Variants in CSNK1A1 observed in about 807,000 individuals in gnomAD.
The protein encoded by CSNK1A1 is casein kinase I isoform alpha.
A neutral mutation model predicts 46.1 loss-of-function variants in CSNK1A1; 7 were observed. That is an observed-to-expected ratio of 0.15 (90% CI 0.09 to 0.29). The LOEUF is 0.29. CSNK1A1 is among the 10% of genes least tolerant of loss of function. The pLI is 1.00. For synonymous variants in CSNK1A1, 137 were observed against 141.5 expected (o/e 0.97, Z 0.23); for missense variants, 96 against 417.1 (o/e 0.23, Z 6.71).
rs745738412 is a variant in CSNK1A1, at chr5:149,493,926, AG to A, written c.*2926del. On this transcript the variant is annotated 3_prime_UTR_variant, in exon 10 of 10. Coordinates refer to ENST00000377843, the MANE Select transcript of CSNK1A1 (RefSeq NM_001892.6). ...GTTTGAGTCAGAACCAGACTGTTCCAGACTAGTTGGAAAACGACCCAGGAAC... is the reference window on the plus strand; with the variant it reads ...GTTTGAGTCAGAACCAGACTGTTCCAACTAGTTGGAAAACGACCCAGGAAC... 3 of 152,208 alleles carry A rather than the reference AG, an allele frequency of 2.0e-5. No individual in the cohort carries two copies. The highest frequency in any genetic ancestry group is 2.9e-5 in the Non-Finnish European group (2 of 68,034). 9.4% of individuals were successfully genotyped at this position (152,208 alleles called of 1,614,324 possible).
At chr5:149,502,452 C>A in intron 9 of CSNK1A1, 1 of 369,024 alleles carries the variant, frequency 2.7e-6, no homozygotes. Context: ...AGGTGATACT[C>A]CCACCTCAGC....
intron 9 of CSNK1A1, among the ~76,000 whole-genome samples, chr5:149,500,667 G>T (rs903544812): frequency 6.6e-6 from 1 of 151,920 alleles, no homozygotes; most frequent in Admixed American, 6.6e-5. Flanking sequence ...GAGATCAAGT[G>T]ATCTTCCCAT....
chr5:149,538,154 C>T (rs575961156), intron 2 of CSNK1A1, among the ~76,000 whole-genome samples: 1 of 151,470 alleles, frequency 6.6e-6, no homozygotes, highest in South Asian at 2.1e-4. Flanking sequence ...TCCCTAGTAG[C>T]TGGGATTACA....
chr5:149,522,456 T>G (rs1761602388), intron 3 of CSNK1A1, among the ~76,000 whole-genome samples: 1 of 152,232 alleles, frequency 6.6e-6, no homozygotes, highest in Non-Finnish European at 1.5e-5. Flanking sequence ...TATTTTTAAA[T>G]AGATTACATA....
At chr5:149,544,737 T>TTATATATATACATATATATATATA (rs1762410619) in intron 2 of CSNK1A1, among the ~76,000 whole-genome samples, 1 of 80,806 alleles carries the variant, frequency 1.2e-5, no homozygotes, top group Non-Finnish European at 2.2e-5. Flanking sequence ...GTAAAGAGCT[T>TTATATATATACATATATATATATA]TATATATATA....
intron 8 of CSNK1A1, 74 bp downstream of exon 8, chr5:149,506,953 G>T: frequency 9.1e-7 from 1 of 1,104,798 alleles, no homozygotes; most frequent in Non-Finnish European, 1.3e-6. Flanking sequence ...GTATTTATCA[G>T]AATGAATTTG....
intron 7 of CSNK1A1, among the ~76,000 whole-genome samples, chr5:149,507,562 A>T (rs1473002450): frequency 6.6e-6 from 1 of 151,992 alleles, no homozygotes; most frequent in African/African-American, 2.4e-5. Context: ...CCAGGCTTCA[A>T]GCGATCCTCC....
At chr5:149,499,989 G>A (rs1165000411) in intron 9 of CSNK1A1, among the ~76,000 whole-genome samples, 2 of 86,264 alleles carry the variant, frequency 2.3e-5, no homozygotes, top group Non-Finnish European at 4.1e-5. Flanking sequence ...TTTTTTTTGA[G>A]ACGGAGTCTC....
chr5:149,522,995 A>C (rs1761617269), intron 3 of CSNK1A1, among the ~76,000 whole-genome samples: 3 of 151,464 alleles, frequency 2.0e-5, no homozygotes, highest in African/African-American at 7.3e-5. Flanking sequence ...ATAAGCCATA[A>C]CTCTTTTATT....
intron 4 of CSNK1A1, among the ~76,000 whole-genome samples, chr5:149,516,179 G>C (rs1162922470): frequency 6.6e-6 from 1 of 152,096 alleles, no homozygotes; most frequent in Non-Finnish European, 1.5e-5. Flanking sequence ...AATTAGCCGG[G>C]CATGGTGGCG....
At chr5:149,500,115 C>T (rs979673758) in intron 9 of CSNK1A1, among the ~76,000 whole-genome samples, 2 of 147,972 alleles carry the variant, frequency 1.4e-5, no homozygotes, top group South Asian at 2.1e-4. Context: ...ACTACAGGCA[C>T]CCGCCACTAC....
At chr5:149,547,894 T>C (rs1023351668) in intron 2 of CSNK1A1, among the ~76,000 whole-genome samples, 2 of 152,038 alleles carry the variant, frequency 1.3e-5, no homozygotes, top group Non-Finnish European at 2.9e-5. Context: ...TTTTTTGAGA[T>C]GGCGTCTCGC....
chr5:149,539,335 G>A (rs1206815915), intron 2 of CSNK1A1, among the ~76,000 whole-genome samples: 1 of 152,058 alleles, frequency 6.6e-6, no homozygotes, highest in African/African-American at 2.4e-5. Flanking sequence ...GTATGGTGGT[G>A]TATGCCTGTA....
chr5:149,510,008 T>G, intron 6 of CSNK1A1, 55 bp from the exon 7 acceptor site: 1 of 1,279,324 alleles, frequency 7.8e-7, no homozygotes, highest in Non-Finnish European at 1.1e-6. Context: ...AGAAGAACCA[T>G]GGTAGTTTAA....
chr5:149,495,096 G>A lies in CSNK1A1; in HGVS notation c.*1757C>T, dbSNP rs1760615219. The A allele has an allele frequency of 6.6e-6, 1 of 152,088 alleles. No individual in the cohort carries two copies. The highest frequency in any genetic ancestry group is 2.1e-4 in the South Asian group (1 of 4,828). The allele number at this position is 152,088 out of a possible 1,614,324, so 9.4% of individuals were successfully genotyped here. On this transcript the variant is annotated 3_prime_UTR_variant, in exon 10 of 10. Coordinates refer to ENST00000377843, the MANE Select transcript of CSNK1A1 (RefSeq NM_001892.6). The stretch of plus-strand genomic sequence containing the variant: ...GGGTGGATAGAAAAGAAACAAAGAA[G>A]CTGCCTACCCCAGAAGTTCAGACTT...
intron 2 of CSNK1A1, among the ~76,000 whole-genome samples, chr5:149,530,889 C>G (rs1038785493): frequency 7.3e-6 from 1 of 136,428 alleles, no homozygotes; most frequent in Non-Finnish European, 1.5e-5. Context: ...TTGCTTGAAC[C>G]CAGGCAGCAG....
At chr5:149,523,164 C>A (rs2113122152) in intron 3 of CSNK1A1, among the ~76,000 whole-genome samples, 1 of 152,018 alleles carries the variant, frequency 6.6e-6, no homozygotes, top group South Asian at 2.1e-4. Flanking sequence ...CCTCAGCCTC[C>A]CGGGTAGCTG....
chr5:149,505,513 C>A lies in CSNK1A1; in HGVS notation c.940G>T (p.Gly314Trp). ...KAAQQAASSS[G>W]QGQQAQTPTG... ...GGGGTTTGGGCCTGCTGACCCTGCC[C>A]ACTGGAAGAGGCTGCCTGCTGTGCT... The change falls in exon 9 of 10, where the codon GGG becomes TGG. Residue 314 changes from glycine to tryptophan, a missense_variant. Transcript: ENST00000377843. 1 of 1,614,132 alleles carries A rather than the reference C, an allele frequency of 6.2e-7. No homozygotes were observed. The highest frequency in any genetic ancestry group is 8.5e-7 in the Non-Finnish European group (1 of 1,180,022).
At chr5:149,549,305 C>T in intron 2 of CSNK1A1, 1 of 585,178 alleles carries the variant, frequency 1.7e-6, no homozygotes, top group Non-Finnish European at 3.2e-6. Context: ...CTGAAACGTG[C>T]CAAATATGAC....
Sources: gnomAD v4.1 joint callset for allele counts (sites outside exome capture counted in the v4.1 genomes callset) on GRCh38, gnomAD v4.1.1 for gene constraint, MANE v1.5 for transcripts, NCBI Gene and HGNC (gene_info 2026-07-23, HGNC 2026-07-21) for gene names.